Variants in SPON1 observed in about 807,000 individuals in gnomAD.
SPON1 encodes spondin 1, also known as spondin-1.
SPON1 carries 52 observed loss-of-function variants against 111.7 expected under a neutral mutation model. That is an observed-to-expected ratio of 0.47 (90% CI 0.37 to 0.59). The LOEUF is 0.59. Among genes scored for constraint, SPON1 ranks in the 20% least tolerant of loss-of-function variants. SPON1 has a pLI of 0.00. For missense variants in SPON1, 957 were observed against 1,068.5 expected (o/e 0.90, Z 1.46); for synonymous variants, 410 against 395.8 (o/e 1.04, Z -0.43).
At chr11:14,215,254 T>C (rs1554937067) in intron 6 of SPON1, among the ~76,000 whole-genome samples, 1 of 152,178 alleles carries the variant, frequency 6.6e-6, no homozygotes, top group Non-Finnish European at 1.5e-5. Context: ...AGTGGCTCCC[T>C]TTATGGCCAC....
At chr11:14,028,965 A>C (rs1228833165) in intron 2 of SPON1, among the ~76,000 whole-genome samples, 1 of 152,088 alleles carries the variant, frequency 6.6e-6, no homozygotes, top group Non-Finnish European at 1.5e-5. Context: ...GTTTTTCTAG[A>C]GGAGATAGCT....
At chr11:14,158,833 G>A (rs1195606084) in intron 6 of SPON1, among the ~76,000 whole-genome samples, 1 of 152,012 alleles carries the variant, frequency 6.6e-6, no homozygotes, top group Non-Finnish European at 1.5e-5. Flanking sequence ...AAGTACTTGG[G>A]TTCTGTCTCT....
In SPON1 at chr11:14,147,015, AC is replaced by A. The variant is rs1313905728; in HGVS notation, c.825+11449del. On this transcript the variant is annotated intron_variant, in intron 6 of 15. Transcript: ENST00000576479. ...AAACGTTAGAAGAAAACATGAAAGA[AC>A]CTTTTTTTTTTTTTTTTTTTTTTTT... 1.9e-3 allele frequency among the ~76,000 whole-genome samples: 253 copies of A among 132,040 alleles called. 1 individual carries two copies. Among genetic ancestry groups the A allele is most frequent in the African/African-American group, 6.9e-3 (242 of 35,184 alleles). 86.6% of individuals were successfully genotyped at this position (132,040 alleles called of 152,430 possible).
chr11:14,216,788 T>TTGGAAATG (rs1313679846), intron 6 of SPON1, among the ~76,000 whole-genome samples: 1 of 152,208 alleles, frequency 6.6e-6, no homozygotes, highest in East Asian at 1.9e-4. Context: ...CAAGGTTGCA[T>TTGGAAATG]TGGAAATTAA....
chr11:13,993,746 C>T (rs1213055367), intron 2 of SPON1, among the ~76,000 whole-genome samples: 2 of 152,348 alleles, frequency 1.3e-5, no homozygotes, highest in African/African-American at 4.8e-5. Context: ...TTTAATCTAT[C>T]TCCCTTCAGA....
intron 3 of SPON1, among the ~76,000 whole-genome samples, chr11:14,052,763 C>G (rs1554918754): frequency 6.6e-6 from 1 of 152,202 alleles, no homozygotes; most frequent in African/African-American, 2.4e-5. Flanking sequence ...AGCAGAGTTT[C>G]ATTCAACAGC....
intron 5 of SPON1, among the ~76,000 whole-genome samples, chr11:14,131,968 G>T (rs1287215089): frequency 6.6e-6 from 1 of 152,206 alleles, no homozygotes; most frequent in African/African-American, 2.4e-5. Context: ...TTTGGTTGAT[G>T]TCATTAAATG....
At chr11:14,099,180 T>C (rs1849124725) in intron 5 of SPON1, among the ~76,000 whole-genome samples, 1 of 152,210 alleles carries the variant, frequency 6.6e-6, no homozygotes, top group Non-Finnish European at 1.5e-5. Context: ...AAATTATCCA[T>C]TTTATTTAGA....
chr11:13,963,407 A>T (rs1847990910), intron 1 of SPON1, among the ~76,000 whole-genome samples: 1 of 152,142 alleles, frequency 6.6e-6, no homozygotes, highest in Admixed American at 6.5e-5. Flanking sequence ...CGGAGGATGT[A>T]ACTGAGCCAC....
intron 6 of SPON1, among the ~76,000 whole-genome samples, chr11:14,178,045 A>AACACACACACACACACAC (rs5789825): frequency 0.073 from 10,399 of 142,434 alleles, 479 homozygotes; most frequent in East Asian, 0.24. Flanking sequence ...CACACACACA[A>AACACACACACACACACAC]ACACACACAC....
chr11:14,243,828 G>C (rs776466736), intron 7 of SPON1, among the ~76,000 whole-genome samples: 26 of 152,178 alleles, frequency 1.7e-4, no homozygotes, highest in Non-Finnish European at 3.4e-4. Flanking sequence ...ATCCCAGAGA[G>C]ATTTTATCTG....
chr11:14,015,395 A>G (rs1848437502), intron 2 of SPON1, among the ~76,000 whole-genome samples: 1 of 152,098 alleles, frequency 6.6e-6, no homozygotes, highest in Admixed American at 6.5e-5. Context: ...ATCTCTTAAG[A>G]CCTTTATAAG....
rs142049241 is a variant in SPON1, at chr11:14,075,284, A to G, written c.480-61A>G. The G allele has an allele frequency of 3.1e-3, 3,987 of 1,306,594 alleles. 12 individuals carry two copies. Among genetic ancestry groups the G allele is most frequent in the Non-Finnish European group, 3.4e-3 (3,136 of 924,038 alleles). 80.9% of individuals were successfully genotyped at this position (1,306,594 alleles called of 1,614,324 possible). A position where few individuals can be genotyped will look rare whatever the true frequency, so the allele number is the denominator to read the frequency against. ...GCCAAGCAGGGACTATGTCTGACTG[A>G]TCTCCCAAACCTGCCTTCCTGCCCT... On this transcript the variant is annotated intron_variant, in intron 3 of 15. Coordinates refer to ENST00000576479, the MANE Select transcript of SPON1 (RefSeq NM_006108.4).
intron 2 of SPON1, among the ~76,000 whole-genome samples, chr11:13,998,387 G>T (rs192062483): frequency 6.6e-6 from 1 of 152,296 alleles, no homozygotes; most frequent in East Asian, 1.9e-4. Context: ...TATTCCAGGG[G>T]TCATACCAGG....
intron 6 of SPON1, among the ~76,000 whole-genome samples, chr11:14,176,751 C>T (rs73426117): frequency 0.047 from 7,081 of 152,230 alleles, 525 homozygotes; most frequent in African/African-American, 0.16. Context: ...CAGTCCCCAG[C>T]CCAAGAGAAC....
intron 6 of SPON1, among the ~76,000 whole-genome samples, chr11:14,144,067 GA>G (rs1442877418): frequency 6.6e-6 from 1 of 152,022 alleles, no homozygotes; most frequent in African/African-American, 2.4e-5. Context: ...TTTTACATTT[GA>G]AAAACAATAA....
At chr11:13,992,568 G>A (rs782200945) in intron 2 of SPON1, among the ~76,000 whole-genome samples, 2 of 152,154 alleles carry the variant, frequency 1.3e-5, no homozygotes, top group Non-Finnish European at 2.9e-5. Context: ...GGGGGTGAAC[G>A]GTTCTGTCTC....
At position 14,060,537 on chromosome 11, in the gene SPON1, A is replaced by T. The variant is rs1848783615; in HGVS notation, c.480-14808A>T. ...GTACTACCTACCTCATAGGCAGGAGAATTAAACGAGATAACCAGGGATTCT... is the reference window on the plus strand; with the variant it reads ...GTACTACCTACCTCATAGGCAGGAGTATTAAACGAGATAACCAGGGATTCT... On this transcript the variant is annotated intron_variant, in intron 3 of 15. Transcript: ENST00000576479. Among the ~76,000 whole-genome samples, 2 of 152,108 alleles carry T rather than the reference A, an allele frequency of 1.3e-5. 1 individual carries two copies. The highest frequency in any genetic ancestry group is 4.2e-4 in the South Asian group (2 of 4,812).
At chr11:14,225,490 CA>C (rs1554938041) in intron 6 of SPON1, among the ~76,000 whole-genome samples, 1 of 152,158 alleles carries the variant, frequency 6.6e-6, no homozygotes, top group African/African-American at 2.4e-5. Context: ...GATCCAACTT[CA>C]AACTTCTAAG....
Sources: allele counts gnomAD v4.1 joint callset (sites outside exome capture counted in the v4.1 genomes callset), GRCh38; gene constraint gnomAD v4.1.1; transcripts MANE v1.5; gene names NCBI Gene and HGNC (gene_info 2026-07-23, HGNC 2026-07-21).